KPNA4: variants seen among roughly 807,000 people sequenced by gnomAD.
KPNA4 encodes the protein karyopherin subunit alpha 4, also known as importin subunit alpha-3.
A neutral mutation model predicts 71.3 loss-of-function variants in KPNA4; 13 were observed. That is an observed-to-expected ratio of 0.18 (90% CI 0.12 to 0.29). The LOEUF is 0.29. Ranked by LOEUF, KPNA4 falls within the 10% of genes least tolerant of loss-of-function variation. The pLI is 1.00. For missense variants in KPNA4, 334 were observed against 603.2 expected (o/e 0.55, Z 4.67); for synonymous variants, 189 against 195.2 (o/e 0.97, Z 0.26).
chr3:160,526,831 T>A (rs1721468632), intron 8 of KPNA4, among the ~76,000 whole-genome samples: 1 of 152,214 alleles, frequency 6.6e-6, no homozygotes, highest in Non-Finnish European at 1.5e-5. Flanking sequence ...TTTATATTCA[T>A]GTTAATTACG....
At chr3:160,537,773 A>G (rs1455027545) in intron 1 of KPNA4, among the ~76,000 whole-genome samples, 1 of 151,656 alleles carries the variant, frequency 6.6e-6, no homozygotes, top group African/African-American at 2.4e-5. Context: ...GCCATCCTTG[A>G]TTATTTTTCT....
chr3:160,565,145 T>A, intron 1 of KPNA4, 69 bp downstream of exon 1: 1 of 1,329,310 alleles, frequency 7.5e-7, no homozygotes, highest in Non-Finnish European at 1.1e-6. Flanking sequence ...ATCCCCACAC[T>A]CGGGGTCCCG....
intron 11 of KPNA4, among the ~76,000 whole-genome samples, chr3:160,517,100 C>T (rs1362094900): frequency 6.6e-6 from 1 of 152,000 alleles, no homozygotes; most frequent in East Asian, 1.9e-4. Flanking sequence ...AAAAAGAACA[C>T]CTGTATCCAT....
chr3:160,514,743 T>C (rs1159597518), intron 12 of KPNA4, among the ~76,000 whole-genome samples: 2 of 152,222 alleles, frequency 1.3e-5, no homozygotes, highest in African/African-American at 4.8e-5. Context: ...AACCAGATAT[T>C]TGATTGTTTT....
intron 10 of KPNA4, among the ~76,000 whole-genome samples, chr3:160,522,803 A>C (rs193194872): frequency 6.8e-4 from 104 of 152,178 alleles, no homozygotes; most frequent in African/African-American, 2.3e-3. Flanking sequence ...GCAGATCAAG[A>C]CATTAAAATA....
chr3:160,527,320 T>C (rs961673351), intron 8 of KPNA4, among the ~76,000 whole-genome samples: 1 of 152,204 alleles, frequency 6.6e-6, no homozygotes, highest in African/African-American at 2.4e-5. Context: ...CCTTGAAATA[T>C]CAGAATTGTC....
chr3:160,514,040 C>T (rs1721153841), intron 13 of KPNA4, 37 bp downstream of exon 13: 2 of 1,238,302 alleles, frequency 1.6e-6, no homozygotes, highest in Non-Finnish European at 2.2e-6. Flanking sequence ...CTTCCCCTTA[C>T]ATCAGATAAA....
chr3:160,534,355 T>C lies in KPNA4; in HGVS notation c.287+1158A>G, dbSNP rs547162295. Among the ~76,000 whole-genome samples, 19 of 152,296 alleles carry C rather than the reference T, an allele frequency of 1.2e-4. No individual in the cohort carries two copies. The South Asian group carries it at 3.5e-3, about 28-fold the overall frequency. Reference sequence around the variant, plus strand: ...ATGTCTTCCCCAACCTATTTATTAATACAAAGGTCTCAGTAATAGATTTTT... The same window carrying C: ...ATGTCTTCCCCAACCTATTTATTAACACAAAGGTCTCAGTAATAGATTTTT... On this transcript the variant is annotated intron_variant, in intron 5 of 16. Transcript: ENST00000334256.
chr3:160,515,729 C>A (rs1338668468), intron 11 of KPNA4, 149 bp from the exon 12 acceptor site: 2 of 804,578 alleles, frequency 2.5e-6, no homozygotes, highest in Non-Finnish European at 3.8e-6. Flanking sequence ...ATCCTCCCAC[C>A]CCAGCCTCCA....
Position 160,535,642 on chromosome 3 carries a change from G to A in KPNA4, c.234+19C>T. 1 of 1,584,176 alleles carries A rather than the reference G, an allele frequency of 6.3e-7. No homozygotes were observed. Among genetic ancestry groups the A allele is most frequent in the South Asian group, 1.2e-5 (1 of 84,056 alleles). On this transcript the variant is annotated intron_variant, in intron 4 of 16. Transcript: ENST00000334256. ...AGGACAAGAAATGCAAATGAAGAGA[G>A]GGAAAAAATCCAACTTACTTGAACA...
At chr3:160,506,098 A>C (rs758254940) in intron 15 of KPNA4, among the ~76,000 whole-genome samples, 15 of 151,970 alleles carry the variant, frequency 9.9e-5, no homozygotes, top group Non-Finnish European at 1.8e-4. Context: ...TGGACTTTAA[A>C]TCTCCTCATC....
intron 13 of KPNA4, among the ~76,000 whole-genome samples, chr3:160,511,600 A>T (rs1162790261): frequency 1.3e-5 from 2 of 152,000 alleles, no homozygotes; most frequent in East Asian, 3.9e-4. Context: ...TGGGACTGAC[A>T]TTTTTTTAAG....
At chr3:160,521,187 T>A (rs113451260) in intron 11 of KPNA4, among the ~76,000 whole-genome samples, 1 of 151,938 alleles carries the variant, frequency 6.6e-6, no homozygotes, top group African/African-American at 2.4e-5. Flanking sequence ...AAAAAAGAAG[T>A]AGGGAAGTGA....
chr3:160,521,915 T>C lies in KPNA4; in HGVS notation c.772-5A>G, dbSNP rs997344865. The stretch of plus-strand genomic sequence containing the variant: ...CCAGACTGTGTCTACCAGTATCTAA[T>C]GAATAAAATAAAAATTCAAACAACT... On this transcript the variant is annotated splice_polypyrimidine_tract_variant and splice_region_variant and intron_variant, in intron 10 of 16. Coordinates refer to ENST00000334256, the MANE Select transcript of KPNA4 (RefSeq NM_002268.5). The C allele has an allele frequency of 1.3e-6, 2 of 1,587,568 alleles. No individual in the cohort carries two copies. Among genetic ancestry groups the C allele is most frequent in the Non-Finnish European group, 1.7e-6 (2 of 1,172,180 alleles).
rs774172950 is a variant in KPNA4 at position 160,536,765 on chromosome 3, C to T, written c.114+31G>A. The stretch of plus-strand genomic sequence containing the variant: ...ATGCTATAATGTTGTTAGAATTATG[C>T]TTAGAAGTACCCAATATTAATCAGA... On this transcript the variant is annotated intron_variant, in intron 2 of 16. Transcript: ENST00000334256. 4.3e-6 allele frequency: 6 copies of T among 1,400,162 alleles called. No homozygotes were observed. In the South Asian group the frequency reaches 6.4e-5, roughly 15 times the overall value. 86.7% of individuals were successfully genotyped at this position (1,400,162 alleles called of 1,614,324 possible).
chr3:160,518,252 C>A (rs973995134), intron 11 of KPNA4, among the ~76,000 whole-genome samples: 1 of 151,766 alleles, frequency 6.6e-6, no homozygotes, highest in African/African-American at 2.4e-5. Context: ...CTCAGCCTCC[C>A]GAGTAGCTGA....
At chr3:160,528,121 C>CA (rs1007334540) in intron 7 of KPNA4, 82 bp from the exon 8 acceptor site, 193 of 927,206 alleles carry the variant, frequency 2.1e-4, no homozygotes, top group Non-Finnish European at 2.4e-4. Context: ...GCTGAGACCT[C>CA]AAAAAAAAGG....
intron 1 of KPNA4, among the ~76,000 whole-genome samples, chr3:160,541,305 G>C (rs1442348944): frequency 6.6e-6 from 1 of 151,976 alleles, no homozygotes; most frequent in East Asian, 1.9e-4. Flanking sequence ...ATTTAGTTAG[G>C]ACTCAATCTC....
chr3:160,565,556 G>T lies in KPNA4; in HGVS notation c.-274C>A, dbSNP rs187148250. The T allele has an allele frequency of 1.7e-5, 9 of 527,744 alleles. No homozygotes were observed. In the Admixed American group the frequency reaches 3.1e-4, roughly 18 times the overall value. The allele number at this position is 527,744 out of a possible 1,614,324, so 32.7% of individuals were successfully genotyped here. Reference sequence around the variant, plus strand: ...GGAATGTGCTGCCGGCTGAGAGGGGGAGGCAGCCTCGATCTGAGGGCCCCG... The same window carrying T: ...GGAATGTGCTGCCGGCTGAGAGGGGTAGGCAGCCTCGATCTGAGGGCCCCG... On this transcript the variant is annotated 5_prime_UTR_variant, in exon 1 of 17. Coordinates refer to ENST00000334256, the MANE Select transcript of KPNA4 (RefSeq NM_002268.5).
Sources: allele counts gnomAD v4.1 joint callset (sites outside exome capture counted in the v4.1 genomes callset), GRCh38; gene constraint gnomAD v4.1.1; transcripts MANE v1.5; gene names NCBI Gene and HGNC (gene_info 2026-07-23, HGNC 2026-07-21).